Variants in ARHGAP24 observed in about 807,000 individuals in gnomAD.
ARHGAP24 encodes rho GTPase-activating protein 24.
ARHGAP24 carries 50 observed loss-of-function variants against 76.4 expected under a neutral mutation model. That is an observed-to-expected ratio of 0.65 (90% CI 0.52 to 0.83). The LOEUF (loss-of-function observed/expected upper bound fraction) is 0.83. Ranked by LOEUF, ARHGAP24 falls within the 40% of genes least tolerant of loss-of-function variation. ARHGAP24 has a pLI of 0.00. For missense variants in ARHGAP24, 930 were observed against 914.2 expected (o/e 1.02, Z -0.22); for synonymous variants, 345 against 323.3 (o/e 1.07, Z -0.72).
At chr4:85,876,739 TG>T (rs1188435491) in intron 3 of ARHGAP24, among the ~76,000 whole-genome samples, 1 of 152,216 alleles carries the variant, frequency 6.6e-6, no homozygotes, top group African/African-American at 2.4e-5. Context: ...ATAAAGACCA[TG>T]GGCTCTAAAT....
At chr4:85,568,657 G>T (rs916893325) in intron 1 of ARHGAP24, among the ~76,000 whole-genome samples, 1 of 152,118 alleles carries the variant, frequency 6.6e-6, no homozygotes. Flanking sequence ...AGACACACGG[G>T]CACACACCTG....
intron 3 of ARHGAP24, among the ~76,000 whole-genome samples, chr4:85,811,477 C>T (rs1413872769): frequency 2.6e-5 from 4 of 152,156 alleles, no homozygotes; most frequent in East Asian, 3.9e-4. Flanking sequence ...GGGGAGCTCA[C>T]GGATACCTCC....
At chr4:85,487,832 CATATTATATAAATATATATTTATTATAT>C (rs1723177516) in intron 1 of ARHGAP24, among the ~76,000 whole-genome samples, 2 of 113,286 alleles carry the variant, frequency 1.8e-5, no homozygotes, top group South Asian at 4.8e-4. Flanking sequence ...ATATTTATTA[CATATTATATAAATATATATTTATTATAT>C]ATATTATATA....
chr4:85,712,829 C>T (rs1345434808), intron 2 of ARHGAP24, among the ~76,000 whole-genome samples: 5 of 152,124 alleles, frequency 3.3e-5, no homozygotes, highest in Non-Finnish European at 7.4e-5. Flanking sequence ...TTCCAGGTTT[C>T]GGGGATTAAG....
intron 2 of ARHGAP24, among the ~76,000 whole-genome samples, chr4:85,645,770 C>A (rs1721698043): frequency 6.6e-6 from 1 of 152,022 alleles, no homozygotes; most frequent in African/African-American, 2.4e-5. Flanking sequence ...CCAGAAGACA[C>A]TGATAATCCA....
chr4:85,699,102 A>G (rs113261840), intron 2 of ARHGAP24, among the ~76,000 whole-genome samples: 285 of 152,350 alleles, frequency 1.9e-3, no homozygotes, highest in Non-Finnish European at 3.1e-3. Flanking sequence ...TATTCAGCCC[A>G]TAAGTGGATA....
chr4:85,869,405 AT>A (rs1220354926), intron 3 of ARHGAP24, among the ~76,000 whole-genome samples: 1 of 152,030 alleles, frequency 6.6e-6, no homozygotes, highest in Non-Finnish European at 1.5e-5. Flanking sequence ...GGGGACTGTG[AT>A]TTTTGAAGAC....
At chr4:85,851,362 T>C (rs1731221246) in intron 3 of ARHGAP24, among the ~76,000 whole-genome samples, 2 of 152,234 alleles carry the variant, frequency 1.3e-5, no homozygotes, top group Admixed American at 1.3e-4. Flanking sequence ...GAGATGGGTC[T>C]CCTGAATACA....
At chr4:85,485,738 G>GTT (rs1297372157) in intron 1 of ARHGAP24, among the ~76,000 whole-genome samples, 109 of 138,224 alleles carry the variant, frequency 7.9e-4, no homozygotes, top group African/African-American at 2.2e-3. Flanking sequence ...CTTTTGAACA[G>GTT]TTTTTTTTTT....
At chr4:85,576,387 G>A (rs902568391) in intron 2 of ARHGAP24, among the ~76,000 whole-genome samples, 5 of 151,086 alleles carry the variant, frequency 3.3e-5, no homozygotes, top group African/African-American at 9.7e-5. Context: ...GAGAGATCGC[G>A]CCACTGCACT....
chr4:85,898,544 T>A (rs1451414107), intron 3 of ARHGAP24, among the ~76,000 whole-genome samples: 1 of 152,174 alleles, frequency 6.6e-6, no homozygotes, highest in Non-Finnish European at 1.5e-5. Context: ...ATGCATTTGG[T>A]AAATCATTTA....
At chr4:85,733,043 C>CT (rs1277299047) in intron 3 of ARHGAP24, among the ~76,000 whole-genome samples, 12 of 102,070 alleles carry the variant, frequency 1.2e-4, no homozygotes, top group Admixed American at 3.7e-4. Flanking sequence ...AGCTATAGAT[C>CT]TTATAGGCCT....
chr4:85,699,873 C>T (rs72656237), intron 2 of ARHGAP24, among the ~76,000 whole-genome samples: 11,358 of 152,026 alleles, frequency 0.075, 492 homozygotes, highest in Middle Eastern at 0.099. Context: ...TAGAATAGTG[C>T]CTGGCCCATA....
intron 2 of ARHGAP24, among the ~76,000 whole-genome samples, chr4:85,681,378 G>A (rs113929091): frequency 4.6e-5 from 7 of 152,222 alleles, no homozygotes; most frequent in African/African-American, 1.2e-4. Context: ...GAAGCACCAC[G>A]AGCCTAACCA....
chr4:85,940,635 T>A (rs346506), intron 4 of ARHGAP24, among the ~76,000 whole-genome samples: 69,384 of 151,896 alleles, frequency 0.46, 17,702 homozygotes, highest in African/African-American at 0.7. Flanking sequence ...TTATCAAGGA[T>A]CTACTTGTTC....
intron 3 of ARHGAP24, among the ~76,000 whole-genome samples, chr4:85,805,606 T>C (rs1437876519): frequency 1.3e-5 from 2 of 152,228 alleles, no homozygotes; most frequent in African/African-American, 4.8e-5. Flanking sequence ...CCTGCTGTTG[T>C]AGGGTTCTTT....
At chr4:85,758,754 G>C (rs1289030672) in intron 3 of ARHGAP24, among the ~76,000 whole-genome samples, 1 of 152,098 alleles carries the variant, frequency 6.6e-6, no homozygotes, top group Admixed American at 6.6e-5. Flanking sequence ...GAGAAGAGTG[G>C]TTCAAATCTT....
At chr4:85,643,292 C>T (rs1473457740) in intron 2 of ARHGAP24, among the ~76,000 whole-genome samples, 2 of 62,838 alleles carry the variant, frequency 3.2e-5, no homozygotes, top group African/African-American at 9.6e-5. Context: ...CGCTCTGTCG[C>T]CCAGGCTGGA....
chr4:85,972,511 C>T (rs1490340740), intron 6 of ARHGAP24: 1 of 295,606 alleles, frequency 3.4e-6, no homozygotes, highest in East Asian at 8.0e-5. Context: ...CAAACCACTT[C>T]AAATAGTGGC....
Sources: allele counts gnomAD v4.1 joint callset (sites outside exome capture counted in the v4.1 genomes callset), GRCh38; gene constraint gnomAD v4.1.1; transcripts MANE v1.5; gene names NCBI Gene and HGNC (gene_info 2026-07-23, HGNC 2026-07-21).